Variants in YPEL2 observed in about 807,000 individuals in gnomAD.
YPEL2 encodes yippee like 2.
A neutral mutation model predicts 19.1 loss-of-function variants in YPEL2; 2 were observed. That is an observed-to-expected ratio of 0.10 (90% CI 0.04 to 0.33). The LOEUF (loss-of-function observed/expected upper bound fraction) is 0.33. Ranked by LOEUF, YPEL2 falls within the 10% of genes least tolerant of loss-of-function variation. YPEL2 has a pLI of 1.00. For missense variants in YPEL2, 66 were observed against 140.7 expected (o/e 0.47, Z 2.68); for synonymous variants, 52 against 50.0 (o/e 1.04, Z -0.17).
chr17:59,354,271 C>A (rs2047801495), intron 2 of YPEL2: 1 of 152,132 alleles, frequency 6.6e-6, no homozygotes, highest in African/African-American at 2.4e-5. Flanking sequence ...GGAAGAGAAA[C>A]AGGTTTTACT....
At chr17:59,395,027 G>A (rs947327080) in intron 4 of YPEL2, among the ~76,000 whole-genome samples, 4 of 152,216 alleles carry the variant, frequency 2.6e-5, no homozygotes, top group Admixed American at 2.0e-4. Context: ...GCAGTGAGTC[G>A]AGATGGCATC....
chr17:59,383,494 A>T (rs2047960505), intron 2 of YPEL2, among the ~76,000 whole-genome samples: 1 of 139,244 alleles, frequency 7.2e-6, no homozygotes, highest in African/African-American at 2.7e-5. Context: ...GCTACTCGGG[A>T]GGCTGAGGCA....
At chr17:59,364,072 T>C (rs2047855507) in intron 2 of YPEL2, among the ~76,000 whole-genome samples, 1 of 152,208 alleles carries the variant, frequency 6.6e-6, no homozygotes, top group African/African-American at 2.4e-5. Context: ...TCTTGTGGTA[T>C]GGTCTGTGTT....
intron 2 of YPEL2, among the ~76,000 whole-genome samples, chr17:59,358,925 T>C (rs1439599481): frequency 2.4e-5 from 3 of 125,094 alleles, no homozygotes; most frequent in African/African-American, 9.9e-5. Flanking sequence ...TTTTCCTTTT[T>C]CTTTTTTTTT....
chr17:59,334,690 T>C (rs1468323475), intron 1 of YPEL2, among the ~76,000 whole-genome samples: 4 of 152,174 alleles, frequency 2.6e-5, no homozygotes, highest in African/African-American at 9.7e-5. Flanking sequence ...TTTGAATTAA[T>C]GAAAGCTGCG....
chr17:59,348,325 T>C (rs1027342575), intron 1 of YPEL2, among the ~76,000 whole-genome samples: 2 of 152,242 alleles, frequency 1.3e-5, no homozygotes, highest in Non-Finnish European at 2.9e-5. Context: ...TGGCTCGGCA[T>C]GTGGTGGTCC....
In YPEL2 at chr17:59,342,055, TG is replaced by T. The variant is rs574980831; in HGVS notation, c.-196+10232del. On this transcript the variant is annotated intron_variant, in intron 1 of 4. Transcript: ENST00000312655. ...AAAAGTTCAATTTCCAAATTCCAAT[TG>T]CGGAAAGGCGGGGAGCCCAGCCACA... 2.7e-3 allele frequency among the ~76,000 whole-genome samples: 409 copies of T among 152,292 alleles called. 2 individuals are homozygous for T. Among genetic ancestry groups the T allele is most frequent in the Non-Finnish European group, 2.5e-3 (167 of 68,022 alleles).
chr17:59,388,657 G>T (rs982017635), intron 3 of YPEL2, among the ~76,000 whole-genome samples: 1 of 152,130 alleles, frequency 6.6e-6, no homozygotes, highest in Non-Finnish European at 1.5e-5. Context: ...CAACCTGAAG[G>T]GCTCATAATG....
chr17:59,399,912 T>G lies in YPEL2; in HGVS notation c.*2722T>G, dbSNP rs1451507. 104,756 of 152,416 alleles carry G rather than the reference T, an allele frequency of 0.69. 37,376 individuals are homozygous for G. The highest frequency in any genetic ancestry group is 0.88 in the African/African-American group (36,695 of 41,480). 9.4% of individuals were successfully genotyped at this position (152,416 alleles called of 1,614,324 possible). A position where few individuals can be genotyped will look rare whatever the true frequency, so the allele number is the denominator to read the frequency against. ...TTGGTGAAGTTTGGGGGCGGGGTGT[T>G]GGGAGTAGAGACAGGGTAAGGGGAC... On this transcript the variant is annotated 3_prime_UTR_variant, in exon 5 of 5. Transcript: ENST00000312655.
chr17:59,361,770 A>G (rs913115729), intron 2 of YPEL2, among the ~76,000 whole-genome samples: 11 of 152,180 alleles, frequency 7.2e-5, no homozygotes, highest in Non-Finnish European at 1.6e-4. Flanking sequence ...AAGGAAAAAA[A>G]CACACACACA....
chr17:59,344,521 G>A (rs1250159947), intron 1 of YPEL2, among the ~76,000 whole-genome samples: 1 of 152,190 alleles, frequency 6.6e-6, no homozygotes, highest in Non-Finnish European at 1.5e-5. Context: ...ACTTTGAGAG[G>A]CTGAGGCAGG....
intron 1 of YPEL2, among the ~76,000 whole-genome samples, chr17:59,344,647 A>ACCC (rs1156550857): frequency 2.0e-5 from 3 of 152,082 alleles, no homozygotes; most frequent in African/African-American, 7.2e-5. Flanking sequence ...AATCCCAGCT[A>ACCC]CCCGGGAGGG....
In YPEL2 at chr17:59,372,527, C is replaced by A. The variant is rs573857344; in HGVS notation, c.118-15800C>A. ...GGAAACACCCACTCTGTGGTCTAAC[C>A]GGCTGGTCCTTGTTTAGAAACTAAC... On this transcript the variant is annotated intron_variant, in intron 2 of 4. Coordinates refer to ENST00000312655, the MANE Select transcript of YPEL2 (RefSeq NM_001005404.4). Among the ~76,000 whole-genome samples, 570 of 152,302 alleles carry A rather than the reference C, an allele frequency of 3.7e-3. 1 individual carries two copies. Among genetic ancestry groups the A allele is most frequent in the African/African-American group, 0.013 (554 of 41,550 alleles).
chr17:59,355,795 G>A (rs1485398133), intron 2 of YPEL2: 3 of 152,158 alleles, frequency 2.0e-5, no homozygotes, highest in Non-Finnish European at 2.9e-5. Flanking sequence ...TGTCCCTTTT[G>A]GGGCAGAAAG....
intron 1 of YPEL2, among the ~76,000 whole-genome samples, chr17:59,352,300 G>A (rs938139566): frequency 1.3e-5 from 2 of 152,240 alleles, no homozygotes. Flanking sequence ...AGAAGCAGAG[G>A]GAGTCTTAGA....
In YPEL2 at chr17:59,393,611, TAAAC is replaced by T. The variant is rs1458537583; in HGVS notation, c.271-3487_271-3484del. ...CAATAGTGGAGGGAAGGTCAGCAGATAAACAAGTGAACAAAGGTCTCTGGTTTTC... is the reference window on the plus strand; with the variant it reads ...CAATAGTGGAGGGAAGGTCAGCAGATAAGTGAACAAAGGTCTCTGGTTTTC... On this transcript the variant is annotated intron_variant, in intron 4 of 4. Transcript: ENST00000312655. Among the ~76,000 whole-genome samples, 15 of 148,176 alleles carry T rather than the reference TAAAC, an allele frequency of 1.0e-4. 1 individual carries two copies. Among genetic ancestry groups the T allele is most frequent in the Admixed American group, 8.1e-4 (12 of 14,822 alleles).
intron 2 of YPEL2, chr17:59,362,546 T>C (rs558207730): frequency 2.0e-5 from 3 of 152,280 alleles, no homozygotes; most frequent in African/African-American, 7.2e-5. Flanking sequence ...ATTCTTTCTG[T>C]GTGGTTACTT....
intron 2 of YPEL2, among the ~76,000 whole-genome samples, chr17:59,358,962 G>T (rs2047827269): frequency 7.7e-6 from 1 of 130,564 alleles, no homozygotes; most frequent in Admixed American, 8.4e-5. Flanking sequence ...CTTGCTCTGT[G>T]GCCCAGGCTG....
chr17:59,379,208 A>G (rs919471757), intron 2 of YPEL2, among the ~76,000 whole-genome samples: 2 of 152,098 alleles, frequency 1.3e-5, no homozygotes, highest in African/African-American at 4.8e-5. Context: ...TTTGTTCTTT[A>G]TCATCACCCC....
Sources: allele counts gnomAD v4.1 joint callset (sites outside exome capture counted in the v4.1 genomes callset), GRCh38; gene constraint gnomAD v4.1.1; transcripts MANE v1.5; gene names NCBI Gene and HGNC (gene_info 2026-07-23, HGNC 2026-07-21).